TTC29: variants seen among roughly 807,000 people sequenced by gnomAD.
The protein encoded by TTC29 is tetratricopeptide repeat protein 29.
TTC29 carries 49 observed loss-of-function variants against 58.1 expected under a neutral mutation model. The observed-to-expected ratio is 0.84, with a 90% confidence interval of 0.67 to 1.07. TTC29 has a LOEUF of 1.07. Among genes scored for constraint, TTC29 ranks in the 50% least tolerant of loss-of-function variants. TTC29 has a pLI of 0.00. For synonymous variants in TTC29, 209 were observed against 196.8 expected (o/e 1.06, Z -0.52); for missense variants, 582 against 555.6 (o/e 1.05, Z -0.48).
At chr4:146,761,688 T>C (rs1396571805) in intron 11 of TTC29, among the ~76,000 whole-genome samples, 1 of 143,298 alleles carries the variant, frequency 7.0e-6, no homozygotes, top group Non-Finnish European at 1.5e-5. Flanking sequence ...TTTTTTTTTG[T>C]AGACTTGTCT....
At chr4:146,782,283 T>C (rs564162291) in intron 11 of TTC29, among the ~76,000 whole-genome samples, 3 of 151,760 alleles carry the variant, frequency 2.0e-5, no homozygotes, top group Non-Finnish European at 3.0e-5. Context: ...AGAAAGTAGC[T>C]ACTTTAAAAA....
intron 8 of TTC29, among the ~76,000 whole-genome samples, chr4:146,844,885 G>T (rs568415183): frequency 6.6e-6 from 1 of 152,206 alleles, no homozygotes; most frequent in Non-Finnish European, 1.5e-5. Flanking sequence ...CAGCTGAGTC[G>T]TTAGTAATGG....
chr4:146,780,828 G>T (rs1405959167), intron 11 of TTC29, among the ~76,000 whole-genome samples: 1 of 151,894 alleles, frequency 6.6e-6, no homozygotes, highest in East Asian at 1.9e-4. Context: ...TGGCTGGATT[G>T]GTATTACAAT....
intron 11 of TTC29, among the ~76,000 whole-genome samples, chr4:146,782,323 A>G (rs1748679049): frequency 6.6e-6 from 1 of 151,680 alleles, no homozygotes; most frequent in South Asian, 2.1e-4. Context: ...TTTAATATAT[A>G]TTAAATATCT....
intron 11 of TTC29, among the ~76,000 whole-genome samples, chr4:146,755,235 A>G (rs1263788054): frequency 6.6e-6 from 1 of 152,188 alleles, no homozygotes; most frequent in African/African-American, 2.4e-5. Context: ...AGAAGACACA[A>G]ATGGGAAGAC....
chr4:146,799,918 T>A (rs1750096075), intron 11 of TTC29, among the ~76,000 whole-genome samples: 1 of 152,316 alleles, frequency 6.6e-6, no homozygotes, highest in South Asian at 2.1e-4. Context: ...TTTAAAAAAA[T>A]TCTTCTTGAT....
chr4:146,727,633 T>C (rs1325488828), intron 11 of TTC29, among the ~76,000 whole-genome samples: 3 of 152,206 alleles, frequency 2.0e-5, no homozygotes, highest in East Asian at 1.9e-4. Flanking sequence ...CTTAGTAATA[T>C]GCATTTAAGA....
chr4:146,764,900 GT>G (rs1293131506), intron 11 of TTC29, among the ~76,000 whole-genome samples: 1 of 151,410 alleles, frequency 6.6e-6, no homozygotes, highest in East Asian at 1.9e-4. Context: ...TGCGAAGAGA[GT>G]TTGTCTCTTT....
intron 9 of TTC29, among the ~76,000 whole-genome samples, chr4:146,827,554 A>G (rs928869089): frequency 2.0e-5 from 3 of 152,356 alleles, no homozygotes; most frequent in Admixed American, 2.0e-4. Flanking sequence ...GTTATGGTGG[A>G]ATTTAGAAAG....
At chr4:146,930,533 C>T (rs1735261508) in intron 4 of TTC29, among the ~76,000 whole-genome samples, 1 of 152,062 alleles carries the variant, frequency 6.6e-6, no homozygotes, top group Non-Finnish European at 1.5e-5. Context: ...ACAACATCTC[C>T]AATTTCCAAT....
At chr4:146,760,188 C>G (rs1746769375) in intron 11 of TTC29, among the ~76,000 whole-genome samples, 1 of 151,742 alleles carries the variant, frequency 6.6e-6, no homozygotes, top group Non-Finnish European at 1.5e-5. Flanking sequence ...CCTTTTACAA[C>G]AGCTGCAAAA....
At chr4:146,937,284 T>C (rs1420317886) in intron 4 of TTC29, among the ~76,000 whole-genome samples, 2 of 152,028 alleles carry the variant, frequency 1.3e-5, no homozygotes, top group Admixed American at 1.3e-4. Context: ...AGCTTTTTTC[T>C]TTCCCATGGA....
intron 4 of TTC29, among the ~76,000 whole-genome samples, chr4:146,930,100 T>TATATATATATATATACAC (rs1735221103): frequency 1.5e-5 from 2 of 129,534 alleles, no homozygotes; most frequent in African/African-American, 5.9e-5. Context: ...TATATATATA[T>TATATATATATATATACAC]ATATATATAT....
intron 11 of TTC29, among the ~76,000 whole-genome samples, chr4:146,749,588 A>C (rs1745819699): frequency 6.6e-6 from 1 of 152,192 alleles, no homozygotes; most frequent in Non-Finnish European, 1.5e-5. Context: ...CTTCCAGAGA[A>C]GAGGAGACAG....
chr4:146,907,809 G>GT (rs1241123867), intron 5 of TTC29, among the ~76,000 whole-genome samples: 1 of 151,998 alleles, frequency 6.6e-6, no homozygotes, highest in East Asian at 1.9e-4. Flanking sequence ...CAAAATGGAG[G>GT]TTTTTTATAA....
At chr4:146,870,409 A>C (rs898021859) in intron 7 of TTC29, among the ~76,000 whole-genome samples, 6 of 151,926 alleles carry the variant, frequency 3.9e-5, no homozygotes, top group Non-Finnish European at 8.8e-5. Context: ...AAAATAAGAA[A>C]GTTCTTTCCA....
intron 11 of TTC29, among the ~76,000 whole-genome samples, chr4:146,755,123 A>G (rs1201162006): frequency 6.6e-6 from 1 of 152,132 alleles, no homozygotes; most frequent in Non-Finnish European, 1.5e-5. Context: ...AATTTTTAAA[A>G]GTCCCATTAA....
intron 5 of TTC29, among the ~76,000 whole-genome samples, chr4:146,904,454 A>G (rs745469692): frequency 3.9e-5 from 6 of 152,270 alleles, no homozygotes; most frequent in Non-Finnish European, 7.4e-5. Context: ...TATCTAACCT[A>G]TATCTACATA....
At chr4:146,753,077 T>G (rs1002118846) in intron 11 of TTC29, among the ~76,000 whole-genome samples, 1 of 152,188 alleles carries the variant, frequency 6.6e-6, no homozygotes, top group Non-Finnish European at 1.5e-5. Context: ...AAAGAGCTTC[T>G]GTACAGCAAA....
Sources: allele counts gnomAD v4.1 joint callset (sites outside exome capture counted in the v4.1 genomes callset), GRCh38; gene constraint gnomAD v4.1.1; transcripts MANE v1.5; gene names NCBI Gene and HGNC (gene_info 2026-07-23, HGNC 2026-07-21).